Variants in DLGAP2 observed in about 807,000 individuals in gnomAD.
DLGAP2 encodes DLG associated protein 2, also known as disks large-associated protein 2.
Under a neutral mutation model 100.3 loss-of-function variants are expected in DLGAP2, and 26 were observed. That is an observed-to-expected ratio of 0.26 (90% CI 0.19 to 0.36). The LOEUF is 0.36. DLGAP2 is among the 10% of genes least tolerant of loss of function. The pLI is 1.00. For synonymous variants in DLGAP2, 886 were observed against 630.1 expected (o/e 1.41, Z -6.08); for missense variants, 1,858 against 1,453.2 (o/e 1.28, Z -4.53).
chr8:1,605,668 C>T (rs1415687190), intron 6 of DLGAP2, among the ~76,000 whole-genome samples: 1 of 152,134 alleles, frequency 6.6e-6, no homozygotes, highest in Non-Finnish European at 1.5e-5. Context: ...GTTACCTTCC[C>T]TGTTATAAGG....
intron 8 of DLGAP2, among the ~76,000 whole-genome samples, chr8:1,658,240 G>A (rs927503986): frequency 6.6e-6 from 1 of 152,026 alleles, no homozygotes; most frequent in Non-Finnish European, 1.5e-5. Context: ...TGCACATACT[G>A]ACAAGCAAAA....
chr8:1,523,068 G>A (rs1447248327), intron 4 of DLGAP2, among the ~76,000 whole-genome samples: 1 of 152,224 alleles, frequency 6.6e-6, no homozygotes, highest in East Asian at 1.9e-4. Flanking sequence ...CACCCAGGCT[G>A]GGAACCTGCA....
At chr8:1,567,758 G>C (rs1802461426) in intron 6 of DLGAP2, among the ~76,000 whole-genome samples, 1 of 152,200 alleles carries the variant, frequency 6.6e-6, no homozygotes, top group African/African-American at 2.4e-5. Context: ...ACCCAATGTA[G>C]TTGAAACTCT....
chr8:1,388,050 G>A (rs1438853639), intron 3 of DLGAP2, among the ~76,000 whole-genome samples: 1 of 152,260 alleles, frequency 6.6e-6, no homozygotes, highest in Non-Finnish European at 1.5e-5. Flanking sequence ...AGTGCGTGCG[G>A]GCTGGGGCTA....
chr8:1,533,558 A>G (rs1801058203), intron 4 of DLGAP2, among the ~76,000 whole-genome samples: 1 of 152,170 alleles, frequency 6.6e-6, no homozygotes, highest in Non-Finnish European at 1.5e-5. Context: ...ACTGATGGCA[A>G]TAAATAAATA....
chr8:1,134,516 A>G (rs1796363195), intron 2 of DLGAP2, among the ~76,000 whole-genome samples: 1 of 92,814 alleles, frequency 1.1e-5, no homozygotes, highest in African/African-American at 4.4e-5. Context: ...AGTTTTAGTA[A>G]TAGCCAGGAA....
chr8:828,709 C>T (rs1173629011), intron 1 of DLGAP2, among the ~76,000 whole-genome samples: 4 of 152,076 alleles, frequency 2.6e-5, no homozygotes, highest in African/African-American at 9.7e-5. Context: ...TGATAAGTGT[C>T]CATGAAATCT....
At chr8:1,036,123 C>A (rs1403929561) in intron 2 of DLGAP2, among the ~76,000 whole-genome samples, 1 of 139,960 alleles carries the variant, frequency 7.1e-6, no homozygotes, top group Admixed American at 7.0e-5. Context: ...TGGATTCACA[C>A]GCTCATCCCG....
intron 6 of DLGAP2, among the ~76,000 whole-genome samples, chr8:1,598,904 C>G (rs1173450246): frequency 6.6e-6 from 1 of 151,910 alleles, no homozygotes; most frequent in Non-Finnish European, 1.5e-5. Context: ...CTTGTCTTAT[C>G]TTAGCTTTTG....
At chr8:1,528,544 G>T (rs940207083) in intron 4 of DLGAP2, among the ~76,000 whole-genome samples, 1 of 152,216 alleles carries the variant, frequency 6.6e-6, no homozygotes, top group African/African-American at 2.4e-5. Flanking sequence ...GGGCCCACCC[G>T]GGGGCTGGCC....
intron 3 of DLGAP2, among the ~76,000 whole-genome samples, chr8:1,457,522 G>A (rs1173636467): frequency 2.6e-5 from 4 of 152,160 alleles, no homozygotes; most frequent in South Asian, 2.1e-4. Context: ...ATACTAATAG[G>A]ACAAGCTGAT....
At chr8:858,912 A>C (rs140128006) in intron 1 of DLGAP2, among the ~76,000 whole-genome samples, 195 of 152,332 alleles carry the variant, frequency 1.3e-3, no homozygotes, top group African/African-American at 4.5e-3. Flanking sequence ...CGCTCCTTAC[A>C]GCAAATGTTT....
chr8:1,220,550 C>G (rs1052658471), intron 2 of DLGAP2, among the ~76,000 whole-genome samples: 1 of 151,984 alleles, frequency 6.6e-6, no homozygotes, highest in Admixed American at 6.5e-5. Flanking sequence ...GAATATGTGC[C>G]GTGTGGAGAT....
intron 2 of DLGAP2, among the ~76,000 whole-genome samples, chr8:1,201,001 C>T (rs527882893): frequency 2.0e-5 from 3 of 152,288 alleles, no homozygotes; most frequent in African/African-American, 7.2e-5. Context: ...CGGCTGTCTC[C>T]CCGGACCCCA....
At chr8:1,577,585 A>AAAAAAC (rs1803039403) in intron 6 of DLGAP2, among the ~76,000 whole-genome samples, 2 of 150,450 alleles carry the variant, frequency 1.3e-5, no homozygotes, top group East Asian at 3.9e-4. Context: ...AAAAAAAAAA[A>AAAAAAC]AAAAATTTAA....
intron 8 of DLGAP2, among the ~76,000 whole-genome samples, chr8:1,665,851 C>T (rs1056938881): frequency 6.6e-6 from 1 of 152,242 alleles, no homozygotes; most frequent in South Asian, 2.1e-4. Context: ...AAACAGCCGC[C>T]TACTCTCCAG....
At chr8:1,080,171 C>T (rs1011932390) in intron 2 of DLGAP2, among the ~76,000 whole-genome samples, 4 of 152,338 alleles carry the variant, frequency 2.6e-5, no homozygotes, top group East Asian at 1.9e-4. Context: ...CGGAGCTCCA[C>T]ATTAGAACTA....
rs370457342 is a variant in DLGAP2 at position 1,695,733 on chromosome 8, C to A, written c.2797-1414C>A. 2.0e-4 allele frequency among the ~76,000 whole-genome samples: 30 copies of A among 152,380 alleles called. No individual in the cohort carries two copies. In the South Asian group the frequency reaches 5.8e-3, roughly 29 times the overall value. On this transcript the variant is annotated intron_variant, in intron 13 of 14. Coordinates refer to ENST00000637795, the MANE Select transcript of DLGAP2 (RefSeq NM_001346810.2). ...GGAAGCCAGGTAGGAACCACCCCTA[C>A]AGCCTCTGAGCAGCCTCCCCTGCTG... is the stretch of plus-strand genomic sequence containing the variant.
At chr8:1,520,085 C>G (rs1800535392) in intron 4 of DLGAP2, among the ~76,000 whole-genome samples, 1 of 152,206 alleles carries the variant, frequency 6.6e-6, no homozygotes, top group Non-Finnish European at 1.5e-5. Flanking sequence ...CCCTGGAGTG[C>G]TGGGCACGCT....
Sources: allele counts gnomAD v4.1 joint callset (sites outside exome capture counted in the v4.1 genomes callset), GRCh38; gene constraint gnomAD v4.1.1; transcripts MANE v1.5; gene names NCBI Gene and HGNC (gene_info 2026-07-23, HGNC 2026-07-21).